The following GK variants were observed in gnomAD, a reference collection of about 807,000 sequenced individuals.
GK encodes the protein ATP:glycerol 3-phosphotransferase.
Under a neutral mutation model 56.4 loss-of-function variants are expected in GK, and 9 were observed. The ratio of observed to expected loss-of-function variants is 0.16; its 90% CI spans 0.10 to 0.28. GK has a LOEUF of 0.28. GK is among the 10% of genes least tolerant of loss of function. The pLI is 1.00. For synonymous variants in GK, 104 were observed against 144.1 expected (o/e 0.72, Z 1.99); for missense variants, 161 against 431.4 (o/e 0.37, Z 5.55).
At chrX:30,683,326 G>A (rs1934391129) in intron 4 of GK, among the ~76,000 whole-genome samples, 1 of 111,158 alleles carries the variant, frequency 9.0e-6, no homozygotes, top group Non-Finnish European at 1.9e-5. Context: ...AAAGTGCTGG[G>A]ATTACAGGTG....
At chrX:30,719,086 T>C (rs1388894658) in intron 14 of GK, among the ~76,000 whole-genome samples, 1 of 111,329 alleles carries the variant, frequency 9.0e-6, no homozygotes, top group Non-Finnish European at 1.9e-5. Context: ...CAATCAGAAA[T>C]ACATTTCTGA....
chrX:30,655,358 AG>A (rs1158188984), intron 1 of GK, among the ~76,000 whole-genome samples: 2 of 111,817 alleles, frequency 1.8e-5, no homozygotes, highest in Admixed American at 1.9e-4. Flanking sequence ...GCCATATTCA[AG>A]AATTGCCCAC....
At chrX:30,728,042 C>T (rs141064931) in intron 20 of GK, among the ~76,000 whole-genome samples, 472 of 111,578 alleles carry the variant, frequency 4.2e-3, no homozygotes, top group African/African-American at 0.015. Flanking sequence ...TTTATAGTTA[C>T]TCTTATTTTA....
At chrX:30,655,168 TC>T (rs1474877748) in intron 1 of GK, among the ~76,000 whole-genome samples, 479 of 112,380 alleles carry the variant, frequency 4.3e-3, no homozygotes, top group Non-Finnish European at 7.2e-3. Context: ...TATCTTTTGA[TC>T]ACCCAGGGCA....
chrX:30,677,268 A>T, intron 3 of GK, 107 bp from the exon 4 acceptor site: 7 of 542,101 alleles, frequency 1.3e-5, no homozygotes, highest in Middle Eastern at 4.9e-4. Flanking sequence ...TATTTTTTTG[A>T]TTTGCTATGT....
rs757560961 is a variant in GK at position 30,659,014 on chromosome X, A to ATTTC, written c.78+5419_78+5422dup. Among the ~76,000 whole-genome samples, 43 of 111,999 alleles carry ATTTC rather than the reference A, an allele frequency of 3.8e-4. 1 individual carries two copies. Among genetic ancestry groups the ATTTC allele is most frequent in the Admixed American group, 3.2e-3 (34 of 10,547 alleles). On this transcript the variant is annotated intron_variant, in intron 1 of 20. Coordinates refer to ENST00000427190, the MANE Select transcript of GK (RefSeq NM_001205019.2). ...ATGTATGTATATGCCATTTACTACA[A>ATTTC]TTTCTTTCTTTCTTTCTTTCTTTTC...
chrX:30,694,393 G>A lies in GK; in HGVS notation c.415-7G>A. 8.3e-7 allele frequency: 1 copy of A among 1,202,024 alleles called. No individual in the cohort carries two copies. Among genetic ancestry groups the A allele is most frequent in the Non-Finnish European group, 1.1e-6 (1 of 887,475 alleles). ...CATTTGCTAACTGAACTTCACAACTGTTTTAGTCCAAGACAGGCCTTCCAC... is the reference window on the plus strand; with the variant it reads ...CATTTGCTAACTGAACTTCACAACTATTTTAGTCCAAGACAGGCCTTCCAC... On this transcript the variant is annotated splice_polypyrimidine_tract_variant and splice_region_variant and intron_variant, in intron 5 of 20. Transcript: ENST00000427190.
intron 1 of GK, among the ~76,000 whole-genome samples, chrX:30,653,889 G>A (rs1197068250): frequency 8.9e-6 from 1 of 112,745 alleles, no homozygotes; most frequent in Non-Finnish European, 1.9e-5. Flanking sequence ...TTCCCCCAAA[G>A]GGAGCAGGGA....
At chrX:30,692,327 T>C (rs1448508642) in intron 5 of GK, among the ~76,000 whole-genome samples, 2 of 111,563 alleles carry the variant, frequency 1.8e-5, no homozygotes, top group Admixed American at 9.6e-5. Context: ...TTCTCTCCGA[T>C]GTCATTTTAG....
At chrX:30,692,014 T>G (rs1226396622) in intron 5 of GK, among the ~76,000 whole-genome samples, 1 of 111,416 alleles carries the variant, frequency 9.0e-6, no homozygotes, top group Non-Finnish European at 1.9e-5. Context: ...GGTGAGGAAT[T>G]TTTTTTAGCA....
rs773280162 is a variant in GK, at chrX:30,728,783, C to T, written c.*41C>T. On this transcript the variant is annotated 3_prime_UTR_variant, in exon 21 of 21. Transcript: ENST00000427190. Reference sequence around the variant, plus strand: ...GGATTCCCAAGATGTGAGCTTTTTACATAATGAAAGAACCCAGCAATTCTG... The same window carrying T: ...GGATTCCCAAGATGTGAGCTTTTTATATAATGAAAGAACCCAGCAATTCTG... The T allele has an allele frequency of 2.7e-5, 28 of 1,039,210 alleles. No homozygotes were observed. Among genetic ancestry groups the T allele is most frequent in the Non-Finnish European group, 3.8e-5 (28 of 741,136 alleles). 85.6% of individuals were successfully genotyped at this position (1,039,210 alleles called of 1,213,427 possible).
At chrX:30,693,712 C>A (rs1935101019) in intron 5 of GK, among the ~76,000 whole-genome samples, 1 of 110,081 alleles carries the variant, frequency 9.1e-6, no homozygotes, top group Non-Finnish European at 1.9e-5. Context: ...CTATGCCCAG[C>A]TAATTTTTAT....
chrX:30,726,397 C>T (rs1207363782), intron 19 of GK, among the ~76,000 whole-genome samples: 1 of 108,754 alleles, frequency 9.2e-6, no homozygotes, highest in Non-Finnish European at 1.9e-5. Flanking sequence ...AAGCAATTCT[C>T]CTGCCTCAGC....
At chrX:30,703,419 C>T (rs1935794646) in intron 11 of GK, among the ~76,000 whole-genome samples, 1 of 111,111 alleles carries the variant, frequency 9.0e-6, no homozygotes, top group Admixed American at 9.6e-5. Flanking sequence ...CATAGTGTCC[C>T]GGTAATGAGC....
At position 30,730,298 on chromosome X, in the gene GK, A is replaced by G. The variant is rs999842803; in HGVS notation, c.*1556A>G. 12 of 111,811 alleles carry G rather than the reference A, an allele frequency of 1.1e-4. No individual in the cohort carries two copies. The highest frequency in any genetic ancestry group is 1.9e-4 in the Admixed American group (2 of 10,472). The allele number at this position is 111,811 out of a possible 1,213,427, so 9.2% of individuals were successfully genotyped here. On this transcript the variant is annotated 3_prime_UTR_variant, in exon 21 of 21. Transcript: ENST00000427190. ...TTTGGAATCAATGGTAGCTTTATTG[A>G]CTGTTCTGATTGTGCTGTTTCTAAT... is the stretch of plus-strand genomic sequence containing the variant.
rs138619264 is a variant in GK, at chrX:30,656,895, G to T, written c.78+3280G>T. ...AGACAGAATCTCGCTCTGTAGCCCAGGCTGGAGTGCAGTGGCATGATCTCG... is the reference window on the plus strand; with the variant it reads ...AGACAGAATCTCGCTCTGTAGCCCATGCTGGAGTGCAGTGGCATGATCTCG... On this transcript the variant is annotated intron_variant, in intron 1 of 20. Coordinates refer to ENST00000427190, the MANE Select transcript of GK (RefSeq NM_001205019.2). 4.2e-3 allele frequency among the ~76,000 whole-genome samples: 476 copies of T among 112,560 alleles called. 1 individual carries two copies. Among genetic ancestry groups the T allele is most frequent in the African/African-American group, 0.014 (448 of 31,024 alleles).
rs974251687 is a variant in GK at position 30,719,507 on chromosome X, C to T, written c.1143C>T (p.Ser381=). ...TATATGCACCTTATTGGGAGCCCAG[C>T]GCAAGAGGGTAAGTATTGAAAATAT... ...SGLYAPYWEP[S]ARGIICGLTQ... is the part of the protein sequence containing the mutation. The change falls in exon 15 of 21, where the codon AGC becomes AGT. Residue 381 remains serine, a synonymous_variant. Coordinates refer to ENST00000427190, the MANE Select transcript of GK (RefSeq NM_001205019.2). 8 of 1,142,150 alleles carry T rather than the reference C, an allele frequency of 7.0e-6. No individual in the cohort carries two copies. Among genetic ancestry groups the T allele is most frequent in the Admixed American group, 2.2e-5 (1 of 45,469 alleles). 94.1% of individuals were successfully genotyped at this position (1,142,150 alleles called of 1,213,427 possible). A position where few individuals can be genotyped will look rare whatever the true frequency, so the allele number is the denominator to read the frequency against.
At chrX:30,725,806 C>T (rs1223503032) in intron 19 of GK, among the ~76,000 whole-genome samples, 6 of 110,372 alleles carry the variant, frequency 5.4e-5, no homozygotes, top group Admixed American at 1.9e-4. Flanking sequence ...TGCCTGCCAC[C>T]GTGCCCGGCT....
intron 11 of GK, among the ~76,000 whole-genome samples, chrX:30,706,474 C>T (rs1936013404): frequency 9.0e-6 from 1 of 111,467 alleles, no homozygotes; most frequent in African/African-American, 3.3e-5. Context: ...CAGCAAGGCC[C>T]ACGGGGAAGG....
Sources: allele counts gnomAD v4.1 joint callset (sites outside exome capture counted in the v4.1 genomes callset), GRCh38; gene constraint gnomAD v4.1.1; transcripts MANE v1.5; gene names NCBI Gene and HGNC (gene_info 2026-07-23, HGNC 2026-07-21).